PAM: variants seen among roughly 807,000 people sequenced by gnomAD.
PAM encodes peptidylglycine alpha-amidating monooxygenase, also known as peptidyl-glycine alpha-amidating monooxygenase.
PAM carries 72 observed loss-of-function variants against 122.1 expected under a neutral mutation model. The observed-to-expected ratio is 0.59, with a 90% CI of 0.49 to 0.72. The LOEUF (loss-of-function observed/expected upper bound fraction) is 0.72, where lower values mean the gene tolerates loss of function less well. Ranked by LOEUF, PAM falls within the 30% of genes least tolerant of loss-of-function variation. The pLI, the probability that PAM is intolerant of heterozygous loss-of-function variation, is 0.00. For synonymous variants in PAM, 389 were observed against 404.4 expected, an observed-to-expected ratio of 0.96 and a Z score of 0.46; for missense variants, 1,106 against 1,183.7, an observed-to-expected ratio of 0.93 and a Z score of 0.96.
At chr5:102,781,217 T>G (rs1343782173) in intron 1 of PAM, among the ~76,000 whole-genome samples, 3 of 152,154 alleles carry the variant, frequency 2.0e-5, no homozygotes, top group Non-Finnish European at 2.9e-5. Flanking sequence ...CTCATTTTTT[T>G]GGGTCATTTA....
At chr5:102,930,832 CTT>C (rs1400851945) in intron 7 of PAM, among the ~76,000 whole-genome samples, 2 of 152,186 alleles carry the variant, frequency 1.3e-5, no homozygotes, top group African/African-American at 4.8e-5. Context: ...AATGTATAGA[CTT>C]TTAAATTTTC....
chr5:102,996,116 C>A (rs1278475690), intron 16 of PAM, among the ~76,000 whole-genome samples: 1 of 152,122 alleles, frequency 6.6e-6, no homozygotes, highest in Admixed American at 6.6e-5. Flanking sequence ...CAAAGCATTT[C>A]TTCCCAGCCT....
At chr5:102,981,040 C>A (rs112715321) in intron 15 of PAM, among the ~76,000 whole-genome samples, 1 of 152,000 alleles carries the variant, frequency 6.6e-6, no homozygotes, top group Non-Finnish European at 1.5e-5. Context: ...TTGAAAATTT[C>A]CAGCCTACAG....
At chr5:102,959,118 T>G (rs959608760) in intron 12 of PAM, among the ~76,000 whole-genome samples, 2 of 152,194 alleles carry the variant, frequency 1.3e-5, no homozygotes, top group Non-Finnish European at 2.9e-5. Flanking sequence ...GGGAACTTTT[T>G]TCTTGGAAAT....
intron 1 of PAM, among the ~76,000 whole-genome samples, chr5:102,826,538 A>G (rs1773685964): frequency 6.6e-6 from 1 of 152,204 alleles, no homozygotes; most frequent in Non-Finnish European, 1.5e-5. Context: ...CGAGGGCACT[A>G]AGAGCTGCTG....
intron 2 of PAM, 48 bp downstream of exon 2, chr5:102,866,332 G>T (rs1007262190): frequency 1.6e-6 from 2 of 1,230,352 alleles, no homozygotes; most frequent in African/African-American, 3.0e-5. Context: ...GTTGAGAAAT[G>T]TAATCACTTT....
intron 1 of PAM, among the ~76,000 whole-genome samples, chr5:102,780,835 C>CTTTCTTTT (rs1758729162): frequency 8.8e-6 from 1 of 113,758 alleles, no homozygotes; most frequent in Non-Finnish European, 1.8e-5. Context: ...TTCTTTCTTT[C>CTTTCTTTT]TCTGTCTTTC....
chr5:102,886,561 G>A (rs747350270), intron 3 of PAM, among the ~76,000 whole-genome samples: 9 of 151,720 alleles, frequency 5.9e-5, no homozygotes, highest in Non-Finnish European at 1.3e-4. Flanking sequence ...TACAGAATAC[G>A]TATTCTTTCT....
intron 5 of PAM, among the ~76,000 whole-genome samples, chr5:102,918,484 A>T (rs1449414674): frequency 6.6e-6 from 1 of 152,102 alleles, no homozygotes; most frequent in African/African-American, 2.4e-5. Flanking sequence ...CTATTTAAGT[A>T]AATTTTTATA....
chr5:102,911,979 C>T (rs1801544937), intron 4 of PAM, among the ~76,000 whole-genome samples: 1 of 151,966 alleles, frequency 6.6e-6, no homozygotes, highest in Non-Finnish European at 1.5e-5. Flanking sequence ...TTGAATGTTT[C>T]CCAAATATGT....
chr5:102,795,319 T>G (rs574320876), intron 1 of PAM, among the ~76,000 whole-genome samples: 7 of 152,190 alleles, frequency 4.6e-5, no homozygotes, highest in African/African-American at 1.4e-4. Flanking sequence ...TGCACATCCT[T>G]AGGTAAAACT....
chr5:102,969,274 T>TG (rs1352316375), intron 14 of PAM, among the ~76,000 whole-genome samples: 1 of 143,322 alleles, frequency 7.0e-6, no homozygotes. Context: ...GTTAGTCCAG[T>TG]GGAAAAAAAA....
chr5:102,902,836 C>T (rs969254711), intron 4 of PAM, among the ~76,000 whole-genome samples: 14 of 151,426 alleles, frequency 9.2e-5, no homozygotes, highest in African/African-American at 3.4e-4. Context: ...ATATGGTAGT[C>T]ATGTGTTACA....
chr5:103,015,175 A>G (rs970647201), intron 21 of PAM, among the ~76,000 whole-genome samples: 2 of 152,174 alleles, frequency 1.3e-5, no homozygotes, highest in Admixed American at 6.5e-5. Context: ...TAACCTTTTC[A>G]TTCCTGAAGT....
chr5:102,791,078 G>A (rs1412828357), intron 1 of PAM, among the ~76,000 whole-genome samples: 1 of 152,052 alleles, frequency 6.6e-6, no homozygotes, highest in Non-Finnish European at 1.5e-5. Context: ...TTTTACAGCT[G>A]CATCTAAGTA....
intron 15 of PAM, among the ~76,000 whole-genome samples, chr5:102,979,596 A>G (rs1047746797): frequency 6.6e-6 from 1 of 152,120 alleles, no homozygotes; most frequent in African/African-American, 2.4e-5. Flanking sequence ...AAATTAATTC[A>G]TAGTTCTGGG....
At chr5:103,031,100 G>C (rs80278481), downstream of PAM, 250 of 152,174 alleles carry the variant, frequency 1.6e-3, no homozygotes, top group African/African-American at 5.7e-3. Flanking sequence ...AAAAAGCAAA[G>C]GGAAACAGCT....
At chr5:103,015,740 G>A (rs1781795201) in intron 21 of PAM, among the ~76,000 whole-genome samples, 3 of 152,098 alleles carry the variant, frequency 2.0e-5, no homozygotes, top group Admixed American at 1.3e-4. Flanking sequence ...TGGCTTCATG[G>A]ATCAGTGGGA....
rs556317197 is a variant in PAM at position 102,866,087 on chromosome 5, G to T, written c.-109G>T. 5.1e-5 allele frequency: 31 copies of T among 611,818 alleles called. No homozygotes were observed. The African/African-American group carries it at 5.3e-4, about 10-fold the overall frequency. 37.9% of individuals were successfully genotyped at this position (611,818 alleles called of 1,614,324 possible). A position where few individuals can be genotyped will look rare whatever the true frequency, so the allele number is the denominator to read the frequency against. Reference sequence around the variant, plus strand: ...GTGGCCGCCGCAGGACGCCCGCCGTGCCCGGGCCATGAAGTAGCGGCTGCT... The same window carrying T: ...GTGGCCGCCGCAGGACGCCCGCCGTTCCCGGGCCATGAAGTAGCGGCTGCT... On this transcript the variant is annotated 5_prime_UTR_variant, in exon 2 of 26. Coordinates refer to ENST00000438793, the MANE Select transcript of PAM (RefSeq NM_001177306.2).
Sources: allele counts gnomAD v4.1 joint callset (sites outside exome capture counted in the v4.1 genomes callset), GRCh38; gene constraint gnomAD v4.1.1; transcripts MANE v1.5; gene names NCBI Gene and HGNC (gene_info 2026-07-23, HGNC 2026-07-21).